HYKK: variants seen among roughly 807,000 people sequenced by gnomAD.
HYKK encodes the protein 5-hydroxy-L-lysine kinase.
A neutral mutation model predicts 29.7 loss-of-function variants in HYKK; 19 were observed. The ratio of observed to expected loss-of-function variants is 0.64; its 90% confidence interval spans 0.45 to 0.94. The LOEUF (loss-of-function observed/expected upper bound fraction) is 0.94, where lower values mean the gene tolerates loss of function less well. HYKK is among the 40% of genes least tolerant of loss of function. The pLI is 0.00. For synonymous variants in HYKK, 152 were observed against 158.1 expected (o/e 0.96, Z 0.29); for missense variants, 390 against 443.4 (o/e 0.88, Z 1.08).
intron 3 of HYKK, among the ~76,000 whole-genome samples, chr15:78,520,855 G>A (rs1319870986): frequency 6.6e-6 from 1 of 151,628 alleles, no homozygotes; most frequent in African/African-American, 2.4e-5. Flanking sequence ...GGGGCAGCTG[G>A]CCGGGCGGGG....
chr15:78,525,903 G>A (rs1291292061), intron 3 of HYKK, among the ~76,000 whole-genome samples: 2 of 152,166 alleles, frequency 1.3e-5, no homozygotes, highest in African/African-American at 4.8e-5. Flanking sequence ...CTGGGGTTAT[G>A]ATGTAAAATA....
In HYKK at chr15:78,533,345, T is replaced by G. The variant is rs1279081231; in HGVS notation, c.797T>G (p.Val266Gly). 3 of 1,614,094 alleles carry G rather than the reference T, an allele frequency of 1.9e-6. No individual in the cohort carries two copies. The African/African-American group carries it at 4.0e-5, about 22-fold the overall frequency. Residue 266 changes from valine (V) to glycine (G), a missense_variant, in exon 5 of 5, where the codon GTG becomes GGG. Transcript: ENST00000388988. Reference sequence around the variant, plus strand: ...AGCTATGGCTACTATGTGTTTGAAGTGGCAATTACCATCATGTACATGATG... The same window carrying G: ...AGCTATGGCTACTATGTGTTTGAAGGGGCAATTACCATCATGTACATGATG... Reference protein sequence around the residue: ...DMSYGYYVFEVAITIMYMMIE... With the variant: ...DMSYGYYVFEGAITIMYMMIE...
At position 78,528,296 on chromosome 15, in the gene HYKK, T is replaced by C. The variant is rs145542088; in HGVS notation, c.661+733T>C. The C allele has an allele frequency of 7.2e-3, 2,136 of 297,528 alleles. 12 individuals are homozygous for C. Among genetic ancestry groups the C allele is most frequent in the Non-Finnish European group, 9.2e-3 (1,858 of 201,240 alleles). The allele number at this position is 297,528 out of a possible 1,614,324, so 18.4% of individuals were successfully genotyped here. On this transcript the variant is annotated intron_variant, in intron 4 of 4. Transcript: ENST00000388988. ...TAAGTGAGAATCTAATGCCTGATGA[T>C]CTGAGATGAAACAGTTTTATCCCAA...
chr15:78,527,419 A>G lies in HYKK; in HGVS notation c.517A>G (p.Asn173Asp). 1 of 1,614,028 alleles carries G rather than the reference A, an allele frequency of 6.2e-7. No individual in the cohort carries two copies. Residue 173 changes from asparagine to aspartate, a missense_variant, in exon 4 of 5, where the codon AAC becomes GAC. Transcript: ENST00000388988. Reference sequence around the variant, plus strand: ...AAAGTTAAGTAGTCTTCATCGGGAGAACTTCATCTGGAATCTGAAAAATGT... The same window carrying G: ...AAAGTTAAGTAGTCTTCATCGGGAGGACTTCATCTGGAATCTGAAAAATGT... ...HPKLSSLHRE[N>D]FIWNLKNVPL...
In HYKK at chr15:78,536,249, C is replaced by G. The variant is rs886273210; in HGVS notation, c.*2579C>G. 1.3e-5 allele frequency: 2 copies of G among 152,112 alleles called. No homozygotes were observed. The highest frequency in any genetic ancestry group is 2.9e-5 in the Non-Finnish European group (2 of 68,054). The allele number at this position is 152,112 out of a possible 1,614,324, so 9.4% of individuals were successfully genotyped here. Reference sequence around the variant, plus strand: ...ATGTAGACCATGCTCTTCACTACCACAGAGTTCCATGCTACTTTCTCTCCC... The same window carrying G: ...ATGTAGACCATGCTCTTCACTACCAGAGAGTTCCATGCTACTTTCTCTCCC... On this transcript the variant is annotated 3_prime_UTR_variant, in exon 5 of 5. Transcript: ENST00000388988.
chr15:78,536,924 G>C (rs2052367765), downstream of HYKK, among the ~76,000 whole-genome samples: 1 of 152,194 alleles, frequency 6.6e-6, no homozygotes, highest in African/African-American at 2.4e-5. Flanking sequence ...ACAAAGGAAA[G>C]ATGGATTCAG....
At chr15:78,512,110 A>C (rs1031118114) in intron 1 of HYKK, among the ~76,000 whole-genome samples, 1 of 152,144 alleles carries the variant, frequency 6.6e-6, no homozygotes, top group Non-Finnish European at 1.5e-5. Flanking sequence ...TTCAGTGTTG[A>C]TTCAGTCATT....
At chr15:78,515,323 T>A (rs1457275336) in intron 3 of HYKK, among the ~76,000 whole-genome samples, 1 of 152,170 alleles carries the variant, frequency 6.6e-6, no homozygotes, top group African/African-American at 2.4e-5. Flanking sequence ...GGCCCACGCC[T>A]GTAATCCCAG....
rs1000461836 is a variant in HYKK at position 78,534,904 on chromosome 15, A to T, written c.*1234A>T. On this transcript the variant is annotated 3_prime_UTR_variant, in exon 5 of 5. Coordinates refer to ENST00000388988, the MANE Select transcript of HYKK (RefSeq NM_001013619.4). ...ATAAGCATATATTTTTTAATTCTCTATAATCTGTTTCTTTTTGGATGACTA... is the reference window on the plus strand; with the variant it reads ...ATAAGCATATATTTTTTAATTCTCTTTAATCTGTTTCTTTTTGGATGACTA... The T allele has an allele frequency of 3.3e-5, 5 of 152,222 alleles. No homozygotes were observed. Among genetic ancestry groups the T allele is most frequent in the Admixed American group, 2.0e-4 (3 of 15,274 alleles). The allele number at this position is 152,222 out of a possible 1,614,324, so 9.4% of individuals were successfully genotyped here.
chr15:78,512,394 C>CTTTTTCTTTTTTTTTTTTTTTTT (rs2052082217), intron 1 of HYKK, among the ~76,000 whole-genome samples: 1 of 140,732 alleles, frequency 7.1e-6, no homozygotes, highest in Non-Finnish European at 1.6e-5. Flanking sequence ...TCTTTTTTTT[C>CTTTTTCTTTTTTTTTTTTTTTTT]TTTTTCTTTT....
At chr15:78,528,043 T>C (rs1382316278) in intron 4 of HYKK, 2 of 155,660 alleles carry the variant, frequency 1.3e-5, no homozygotes, top group African/African-American at 4.8e-5. Context: ...TCCATTCTCT[T>C]GTTAATGGAA....
chr15:78,522,403 T>G (rs2052205898), intron 3 of HYKK, among the ~76,000 whole-genome samples: 1 of 147,374 alleles, frequency 6.8e-6, no homozygotes, highest in South Asian at 2.2e-4. Context: ...AAAAAAAATT[T>G]TTTTAATTAG....
intron 1 of HYKK, among the ~76,000 whole-genome samples, chr15:78,512,531 A>T (rs1325772685): frequency 6.7e-6 from 1 of 149,270 alleles, no homozygotes; most frequent in Non-Finnish European, 1.5e-5. Context: ...CCTCCCGAGT[A>T]GTTGGGATTA....
intron 3 of HYKK, among the ~76,000 whole-genome samples, chr15:78,523,363 C>T (rs550602116): frequency 6.6e-6 from 1 of 152,264 alleles, no homozygotes; most frequent in East Asian, 1.9e-4. Flanking sequence ...TGAGAACACA[C>T]TCACTGTCAT....
intron 3 of HYKK, 75 bp from the exon 4 acceptor site, chr15:78,527,305 A>AT: frequency 2.6e-6 from 3 of 1,165,378 alleles, no homozygotes; most frequent in South Asian, 1.5e-5. Context: ...AAAAAAAAAA[A>AT]TGTGCAGCAC....
intron 4 of HYKK, among the ~76,000 whole-genome samples, chr15:78,531,220 TAGAC>T (rs1392251528): frequency 6.6e-6 from 1 of 152,184 alleles, no homozygotes; most frequent in Admixed American, 6.5e-5. Flanking sequence ...GCTACCATAT[TAGAC>T]AGATCAAGCT....
intron 4 of HYKK, among the ~76,000 whole-genome samples, chr15:78,532,684 C>T (rs2052323941): frequency 2.0e-5 from 3 of 152,068 alleles, no homozygotes; most frequent in Admixed American, 1.3e-4. Context: ...TGTAATCCAG[C>T]TACTCAGGAG....
chr15:78,508,879 C>CAAAA (rs1567012457), intron 1 of HYKK, among the ~76,000 whole-genome samples: 46 of 5,606 alleles, frequency 8.2e-3, no homozygotes, highest in African/African-American at 0.019. Context: ...CCCTCTCTCT[C>CAAAA]CAAAAAAAAA....
At chr15:78,517,109 C>CTTTTTTTTTTTTTTTTTTTTTTTTT (rs34680285) in intron 3 of HYKK, among the ~76,000 whole-genome samples, 1 of 108,404 alleles carries the variant, frequency 9.2e-6, no homozygotes, top group African/African-American at 3.3e-5. Flanking sequence ...TTCTTTCTTT[C>CTTTTTTTTTTTTTTTTTTTTTTTTT]TTTTTTTTTT....
Sources: gnomAD v4.1 joint callset for allele counts (sites outside exome capture counted in the v4.1 genomes callset) on GRCh38, gnomAD v4.1.1 for gene constraint, MANE v1.5 for transcripts, NCBI Gene and HGNC (gene_info 2026-07-23, HGNC 2026-07-21) for gene names.